The following ROBO2 variants were observed in gnomAD, a reference collection of about 807,000 sequenced individuals.
ROBO2 encodes roundabout homolog 2.
ROBO2 carries 53 observed loss-of-function variants against 160.8 expected under a neutral mutation model. The observed-to-expected ratio is 0.33, with a 90% confidence interval of 0.26 to 0.41. The LOEUF (loss-of-function observed/expected upper bound fraction) is 0.41. ROBO2 is among the 10% of genes least tolerant of loss of function. The pLI, the probability that ROBO2 is intolerant of heterozygous loss-of-function variation, is 1.00. For missense variants in ROBO2, 1,577 were observed against 1,722.4 expected (o/e 0.92, Z 1.49); for synonymous variants, 664 against 611.7 (o/e 1.09, Z -1.26).
chr3:76,363,506 C>G (rs77190073), intron 2 of ROBO2, among the ~76,000 whole-genome samples: 1 of 152,040 alleles, frequency 6.6e-6, no homozygotes, highest in Non-Finnish European at 1.5e-5. Flanking sequence ...ACAACAAGAA[C>G]AGGTAGTTCT....
chr3:77,092,888 A>C (rs2070500269), intron 1 of ROBO2, among the ~76,000 whole-genome samples: 1 of 151,364 alleles, frequency 6.6e-6, no homozygotes, highest in South Asian at 2.1e-4. Context: ...GATATTTATA[A>C]ATTTATAAAT....
chr3:76,586,175 A>T (rs555926499), intron 2 of ROBO2, among the ~76,000 whole-genome samples: 12 of 152,312 alleles, frequency 7.9e-5, no homozygotes, highest in African/African-American at 2.9e-4. Flanking sequence ...TTAAAAATTA[A>T]CCCTCTTCTG....
At chr3:76,189,756 C>A (rs111730966) in intron 2 of ROBO2, among the ~76,000 whole-genome samples, 3,945 of 152,124 alleles carry the variant, frequency 0.026, 123 homozygotes, top group African/African-American at 0.075. Flanking sequence ...TAACTGAGTG[C>A]TTATGGTATG....
At chr3:76,877,486 A>T (rs1012710738) in intron 2 of ROBO2, among the ~76,000 whole-genome samples, 2 of 152,218 alleles carry the variant, frequency 1.3e-5, no homozygotes, top group African/African-American at 4.8e-5. Flanking sequence ...GAGAAACATG[A>T]TCAATACAAA....
intron 2 of ROBO2, among the ~76,000 whole-genome samples, chr3:76,425,548 G>A (rs1411705981): frequency 6.6e-6 from 1 of 151,006 alleles, no homozygotes. Context: ...GTGTCTGTGT[G>A]TTCTTCACCA....
intron 2 of ROBO2, among the ~76,000 whole-genome samples, chr3:76,449,126 G>A (rs950054424): frequency 5.9e-5 from 9 of 152,022 alleles, no homozygotes; most frequent in South Asian, 4.1e-4. Flanking sequence ...TCTCCAAAAC[G>A]TATGGAAATG....
At chr3:76,860,724 T>C (rs1434656900) in intron 2 of ROBO2, among the ~76,000 whole-genome samples, 1 of 152,140 alleles carries the variant, frequency 6.6e-6, no homozygotes, top group East Asian at 1.9e-4. Context: ...CTGACCTCTT[T>C]ACTATATATA....
At chr3:76,564,053 A>C (rs2084365779) in intron 2 of ROBO2, among the ~76,000 whole-genome samples, 1 of 152,156 alleles carries the variant, frequency 6.6e-6, no homozygotes, top group Admixed American at 6.5e-5. Flanking sequence ...TAAAAATACA[A>C]AAATTAGCCA....
chr3:75,963,612 C>T (rs572672160), intron 2 of ROBO2, among the ~76,000 whole-genome samples: 77 of 151,920 alleles, frequency 5.1e-4, no homozygotes, highest in African/African-American at 1.6e-3. Flanking sequence ...CCATTATGTC[C>T]TTTACCAATT....
chr3:77,010,195 GT>G (rs1168990376), intron 2 of ROBO2, among the ~76,000 whole-genome samples: 1 of 152,024 alleles, frequency 6.6e-6, no homozygotes, highest in Admixed American at 6.6e-5. Flanking sequence ...ATTCATATTA[GT>G]TTGGTGTCAA....
intron 5 of ROBO2, among the ~76,000 whole-genome samples, chr3:77,495,093 A>G (rs577844072): frequency 2.0e-5 from 3 of 152,348 alleles, no homozygotes; most frequent in African/African-American, 7.2e-5. Flanking sequence ...CATCCTCTAT[A>G]TATAGTCAGC....
chr3:77,279,317 A>G (rs2060095384), intron 2 of ROBO2, among the ~76,000 whole-genome samples: 2 of 152,088 alleles, frequency 1.3e-5, no homozygotes. Flanking sequence ...ATTTTCAGTA[A>G]CTTAATGACG....
At chr3:76,734,504 A>G (rs2107910498) in intron 2 of ROBO2, among the ~76,000 whole-genome samples, 1 of 152,300 alleles carries the variant, frequency 6.6e-6, no homozygotes, top group African/African-American at 2.4e-5. Context: ...TTTGGTAATT[A>G]TCTTTTTGGA....
intron 2 of ROBO2, among the ~76,000 whole-genome samples, chr3:76,239,849 G>T (rs555807292): frequency 3.2e-4 from 49 of 152,180 alleles, no homozygotes; most frequent in Non-Finnish European, 6.2e-4. Flanking sequence ...TTGGTCCAGA[G>T]AGTAAATGTT....
At chr3:76,417,633 C>G (rs747111127) in intron 2 of ROBO2, among the ~76,000 whole-genome samples, 24 of 151,858 alleles carry the variant, frequency 1.6e-4, no homozygotes, top group Admixed American at 5.2e-4. Flanking sequence ...TCTGAACTTC[C>G]TAAATGGTAA....
At chr3:76,981,747 C>G (rs1485434916) in intron 2 of ROBO2, among the ~76,000 whole-genome samples, 2 of 152,178 alleles carry the variant, frequency 1.3e-5, no homozygotes, top group East Asian at 3.9e-4. Context: ...GTGCTGACAT[C>G]AGCTTGGCTT....
At chr3:76,117,039 G>C (rs1474744156) in intron 2 of ROBO2, among the ~76,000 whole-genome samples, 1 of 152,158 alleles carries the variant, frequency 6.6e-6, no homozygotes, top group Non-Finnish European at 1.5e-5. Context: ...TTCAGTTACA[G>C]CTTCATCATA....
At chr3:76,619,529 G>A (rs1236712432) in intron 2 of ROBO2, among the ~76,000 whole-genome samples, 3 of 152,134 alleles carry the variant, frequency 2.0e-5, no homozygotes, top group Non-Finnish European at 2.9e-5. Context: ...TCATTCATGA[G>A]CACTGCCATA....
intron 2 of ROBO2, among the ~76,000 whole-genome samples, chr3:76,305,088 A>G (rs2071272143): frequency 6.6e-6 from 1 of 152,024 alleles, no homozygotes; most frequent in South Asian, 2.1e-4. Context: ...TTCTGTGGTC[A>G]TCTTGGGAGC....
Sources: gnomAD v4.1 joint callset for allele counts (sites outside exome capture counted in the v4.1 genomes callset) on GRCh38, gnomAD v4.1.1 for gene constraint, MANE v1.5 for transcripts, NCBI Gene and HGNC (gene_info 2026-07-23, HGNC 2026-07-21) for gene names.